Variants in EMC3 observed in about 807,000 individuals in gnomAD.
EMC3 encodes the protein ER membrane protein complex subunit 3.
A neutral mutation model predicts 36.6 loss-of-function variants in EMC3; 13 were observed. That is an observed-to-expected ratio of 0.35 (90% CI 0.23 to 0.56). EMC3 has a LOEUF of 0.56. Ranked by LOEUF, EMC3 falls within the 20% of genes least tolerant of loss-of-function variation. The pLI is 0.84. For synonymous variants in EMC3, 120 were observed against 111.9 expected (o/e 1.07, Z -0.46); for missense variants, 220 against 324.5 (o/e 0.68, Z 2.47).
chr3:9,992,747 C>T (rs1415686008), intron 1 of EMC3: 52 of 653,370 alleles, frequency 8.0e-5, no homozygotes, highest in Non-Finnish European at 1.3e-4. Context: ...AGTGTAGATA[C>T]TACCAGGGGA....
At chr3:10,001,405 CAAAAAA>C (rs60785369) in intron 1 of EMC3, among the ~76,000 whole-genome samples, 3 of 79,654 alleles carry the variant, frequency 3.8e-5, no homozygotes, top group African/African-American at 1.2e-4. Flanking sequence ...GCTAAAAATA[CAAAAAA>C]AAAAAAAAAA....
upstream of EMC3, among the ~76,000 whole-genome samples, chr3:9,989,961 C>CTT (rs75432385): frequency 1.3e-4 from 17 of 133,670 alleles, no homozygotes; most frequent in African/African-American, 3.6e-4. Context: ...GCCTTTTTAA[C>CTT]TTTTTTTTTT....
At chr3:9,975,788 G>A (rs1190965201) in intron 3 of EMC3, among the ~76,000 whole-genome samples, 1 of 148,078 alleles carries the variant, frequency 6.8e-6, no homozygotes, top group Non-Finnish European at 1.5e-5. Flanking sequence ...CTCCAGCCTG[G>A]GTGAGAGAGC....
chr3:9,965,566 G>A (rs2085729733), intron 7 of EMC3, among the ~76,000 whole-genome samples: 1 of 152,112 alleles, frequency 6.6e-6, no homozygotes, highest in Non-Finnish European at 1.5e-5. Context: ...ATAATTTAGT[G>A]ATTTTTAGTA....
intron 4 of EMC3, 150 bp downstream of exon 4, chr3:9,974,234 G>A: frequency 9.9e-6 from 6 of 603,808 alleles, no homozygotes; most frequent in Non-Finnish European, 1.8e-5. Context: ...TCATTTTTGG[G>A]CAAAAGCCGT....
At chr3:9,972,700 G>A (rs950450162) in intron 5 of EMC3, among the ~76,000 whole-genome samples, 1 of 151,692 alleles carries the variant, frequency 6.6e-6, no homozygotes, top group Non-Finnish European at 1.5e-5. Flanking sequence ...AACCTAGGAG[G>A]TGGAGGTTGC....
intron 4 of EMC3, among the ~76,000 whole-genome samples, chr3:9,973,987 C>G (rs780970815): frequency 6.6e-6 from 1 of 152,158 alleles, no homozygotes; most frequent in Non-Finnish European, 1.5e-5. Flanking sequence ...CTGTCAAACT[C>G]TAAGTGGAAT....
At chr3:10,000,464 A>C (rs2086185123) in intron 1 of EMC3, among the ~76,000 whole-genome samples, 1 of 152,212 alleles carries the variant, frequency 6.6e-6, no homozygotes, top group Admixed American at 6.5e-5. Flanking sequence ...TTACTATTAA[A>C]ATTCAAAAAC....
At chr3:9,965,416 C>A (rs1459188261) in intron 7 of EMC3, among the ~76,000 whole-genome samples, 2 of 145,754 alleles carry the variant, frequency 1.4e-5, no homozygotes, top group African/African-American at 2.6e-5. Flanking sequence ...GTGAGACCCT[C>A]GATAGATAGA....
rs1298387703 is a variant in EMC3 at position 9,986,680 on chromosome 3, C to A, written c.-19G>T. On this transcript the variant is annotated 5_prime_UTR_variant, in exon 1 of 8. Transcript: ENST00000245046. ...CTGCCATCTTCACTGAAAGCTGGTT[C>A]CCAGTCTGGAATGGGCGAGCTTCTC... The A allele has an allele frequency of 6.2e-7, 1 of 1,613,246 alleles. No individual in the cohort carries two copies. Among genetic ancestry groups the A allele is most frequent in the South Asian group, 1.1e-5 (1 of 91,056 alleles).
chr3:9,965,049 C>A (rs2085723104), intron 7 of EMC3, among the ~76,000 whole-genome samples: 1 of 148,614 alleles, frequency 6.7e-6, no homozygotes, highest in Admixed American at 6.8e-5. Flanking sequence ...CTGCCCTGGA[C>A]AACCTATCTT....
rs1249574542 is a variant in EMC3 at position 9,962,832 on chromosome 3, C to A, written c.*1237G>T. 1 of 152,226 alleles carries A rather than the reference C, an allele frequency of 6.6e-6. No homozygotes were observed. Among genetic ancestry groups the A allele is most frequent in the African/African-American group, 2.4e-5 (1 of 41,450 alleles). 9.4% of individuals were successfully genotyped at this position (152,226 alleles called of 1,614,324 possible). A position where few individuals can be genotyped will look rare whatever the true frequency, so the allele number is the denominator to read the frequency against. On this transcript the variant is annotated 3_prime_UTR_variant, in exon 8 of 8. Transcript: ENST00000245046. ...ATCCAGACAGAATTATTCTTGGGCACCCTTATCTGTGTGTCTACCAACAAC... is the reference window on the plus strand; with the variant it reads ...ATCCAGACAGAATTATTCTTGGGCAACCTTATCTGTGTGTCTACCAACAAC...
At chr3:9,984,476 G>A (rs755729119) in intron 1 of EMC3, among the ~76,000 whole-genome samples, 1 of 151,544 alleles carries the variant, frequency 6.6e-6, no homozygotes, top group Non-Finnish European at 1.5e-5. Context: ...TGCAAGCTCC[G>A]CCTCCTGGGT....
In EMC3 at chr3:9,970,709, G is replaced by GTA. The variant is rs1174525739; in HGVS notation, c.495-50_495-49dup. ...GTGTGGTTAGTTATTATATCAGAGA[G>GTA]TAATGCAGTTCCCACTTCCCTACCA... On this transcript the variant is annotated intron_variant, in intron 5 of 7. Transcript: ENST00000245046. The GTA allele has an allele frequency of 1.9e-6, 3 of 1,589,632 alleles. No homozygotes were observed. The South Asian group carries it at 3.3e-5, about 18-fold the overall frequency.
chr3:9,996,274 T>G (rs1264535772), intron 1 of EMC3, among the ~76,000 whole-genome samples: 1 of 152,030 alleles, frequency 6.6e-6, no homozygotes, highest in East Asian at 1.9e-4. Context: ...TGAAACCCCA[T>G]CTCTACAAAA....
upstream of EMC3, among the ~76,000 whole-genome samples, chr3:9,990,581 T>C (rs547640009): frequency 2.6e-5 from 4 of 151,756 alleles, no homozygotes; most frequent in South Asian, 8.3e-4. Flanking sequence ...ACAATCTCGG[T>C]TCACTGCAAC....
intron 1 of EMC3, among the ~76,000 whole-genome samples, chr3:10,001,815 A>G (rs1356562659): frequency 6.6e-6 from 1 of 151,712 alleles, no homozygotes; most frequent in African/African-American, 2.4e-5. Flanking sequence ...GGCTAACACG[A>G]TGAAACCCCA....
intron 3 of EMC3, 101 bp from the exon 4 acceptor site, chr3:9,974,589 C>T (rs899347022): frequency 1.2e-5 from 9 of 740,416 alleles, no homozygotes; most frequent in Middle Eastern, 3.3e-4. Context: ...GACGGAGTCC[C>T]GCTCTGTCGC....
chr3:9,998,288 C>G (rs2086152456), intron 1 of EMC3, among the ~76,000 whole-genome samples: 1 of 150,872 alleles, frequency 6.6e-6, no homozygotes, highest in African/African-American at 2.4e-5. Flanking sequence ...GTGGTATGAA[C>G]CCGGGAGGCA....
Sources: gnomAD v4.1 joint callset for allele counts (sites outside exome capture counted in the v4.1 genomes callset) on GRCh38, gnomAD v4.1.1 for gene constraint, MANE v1.5 for transcripts, NCBI Gene and HGNC (gene_info 2026-07-23, HGNC 2026-07-21) for gene names.